The following KIAA1549L variants were observed in gnomAD, a reference collection of about 807,000 sequenced individuals.
The protein encoded by KIAA1549L is UPF0606 protein KIAA1549L.
In KIAA1549L, 88 loss-of-function variants were observed where a neutral mutation model predicts 160.7. The ratio of observed to expected loss-of-function variants is 0.55; its 90% CI spans 0.46 to 0.65. The LOEUF (loss-of-function observed/expected upper bound fraction) is 0.65. Among genes scored for constraint, KIAA1549L ranks in the 30% least tolerant of loss-of-function variants. KIAA1549L has a pLI of 0.00. For missense variants in KIAA1549L, 2,258 were observed against 2,437.5 expected (o/e 0.93, Z 1.55); for synonymous variants, 950 against 976.7 (o/e 0.97, Z 0.51).
At chr11:33,453,483 C>T (rs1055745487) in intron 1 of KIAA1549L, among the ~76,000 whole-genome samples, 18 of 152,148 alleles carry the variant, frequency 1.2e-4, no homozygotes, top group Non-Finnish European at 1.6e-4. Flanking sequence ...TTATCTAAGA[C>T]CAGAGGTGTG....
intron 1 of KIAA1549L, among the ~76,000 whole-genome samples, chr11:33,473,842 TA>T (rs748805595): frequency 1.3e-5 from 2 of 152,196 alleles, no homozygotes; most frequent in Non-Finnish European, 2.9e-5. Context: ...AAAAACAGAT[TA>T]AAAAAAATCT....
intron 1 of KIAA1549L, among the ~76,000 whole-genome samples, chr11:33,521,017 A>T (rs1853479688): frequency 1.3e-5 from 2 of 151,956 alleles, no homozygotes; most frequent in African/African-American, 4.8e-5. Context: ...AAAGTACAAA[A>T]TTCACTGGGC....
intron 1 of KIAA1549L, among the ~76,000 whole-genome samples, chr11:33,444,629 C>CT (rs753748589): frequency 1.3e-5 from 2 of 152,212 alleles, no homozygotes; most frequent in Non-Finnish European, 2.9e-5. Flanking sequence ...TAAAGATGAA[C>CT]TGTCCTTGCT....
chr11:33,572,211 A>G (rs1443246276), intron 9 of KIAA1549L, among the ~76,000 whole-genome samples: 1 of 151,720 alleles, frequency 6.6e-6, no homozygotes, highest in Non-Finnish European at 1.5e-5. Flanking sequence ...TAATTTTTGT[A>G]TTTTTAGTAG....
intron 1 of KIAA1549L, among the ~76,000 whole-genome samples, chr11:33,441,497 C>T (rs1245719782): frequency 6.7e-6 from 1 of 149,930 alleles, no homozygotes; most frequent in East Asian, 2.0e-4. Context: ...AATCGCCACA[C>T]GACTTCCACA....
At chr11:33,463,570 C>T (rs1003866284) in intron 1 of KIAA1549L, among the ~76,000 whole-genome samples, 2 of 152,138 alleles carry the variant, frequency 1.3e-5, no homozygotes, top group Non-Finnish European at 2.9e-5. Flanking sequence ...TGAGGCAAAT[C>T]CCAAGGACAC....
chr11:33,460,643 G>T (rs1468409228), intron 1 of KIAA1549L, among the ~76,000 whole-genome samples: 4 of 152,240 alleles, frequency 2.6e-5, no homozygotes. Flanking sequence ...GTTACATGTT[G>T]TTGGTCACAG....
intron 17 of KIAA1549L, among the ~76,000 whole-genome samples, chr11:33,649,031 A>C (rs1851803005): frequency 6.6e-6 from 1 of 152,186 alleles, no homozygotes; most frequent in African/African-American, 2.4e-5. Context: ...AGGAAACTGA[A>C]GCTTGGAGAA....
At chr11:33,390,543 G>T (rs750936091) in intron 1 of KIAA1549L, among the ~76,000 whole-genome samples, 2 of 152,156 alleles carry the variant, frequency 1.3e-5, no homozygotes, top group Non-Finnish European at 1.5e-5. Flanking sequence ...GCTGCAATCT[G>T]GCCAATGGAA....
intron 1 of KIAA1549L, among the ~76,000 whole-genome samples, chr11:33,458,816 C>T (rs533674068): frequency 2.0e-5 from 3 of 152,232 alleles, no homozygotes; most frequent in South Asian, 2.1e-4. Context: ...GTTGAGGGCT[C>T]GAGGTGACCC....
chr11:33,476,094 G>A (rs776137880), intron 1 of KIAA1549L, among the ~76,000 whole-genome samples: 7 of 152,306 alleles, frequency 4.6e-5, no homozygotes, highest in East Asian at 1.9e-4. Flanking sequence ...TGGGAGAGAC[G>A]GCAAGTTTGA....
intron 1 of KIAA1549L, among the ~76,000 whole-genome samples, chr11:33,521,648 G>T (rs1023868169): frequency 6.6e-6 from 1 of 152,196 alleles, no homozygotes; most frequent in Non-Finnish European, 1.5e-5. Context: ...GCAGACACAC[G>T]TGGCATCTCC....
chr11:33,579,329 G>A (rs1004862934), intron 10 of KIAA1549L, among the ~76,000 whole-genome samples: 9 of 151,528 alleles, frequency 5.9e-5, no homozygotes, highest in Admixed American at 2.0e-4. Context: ...AATATCCCAC[G>A]GGCATCCCTG....
At chr11:33,377,202 T>C (rs942655717) in intron 1 of KIAA1549L, among the ~76,000 whole-genome samples, 1 of 152,170 alleles carries the variant, frequency 6.6e-6, no homozygotes, top group African/African-American at 2.4e-5. Flanking sequence ...TTAGAACACG[T>C]TTCAGGGTGG....
At chr11:33,437,464 T>C (rs1851404110) in intron 1 of KIAA1549L, among the ~76,000 whole-genome samples, 1 of 152,230 alleles carries the variant, frequency 6.6e-6, no homozygotes, top group African/African-American at 2.4e-5. Flanking sequence ...AACTGGGCAT[T>C]GAAGCCAGAC....
intron 1 of KIAA1549L, among the ~76,000 whole-genome samples, chr11:33,435,395 T>C (rs1484884045): frequency 6.6e-6 from 1 of 152,162 alleles, no homozygotes; most frequent in Non-Finnish European, 1.5e-5. Flanking sequence ...AGTGGGGCTA[T>C]AATTGAGACT....
intron 15 of KIAA1549L, 89 bp from the exon 16 acceptor site, chr11:33,618,444 C>G: frequency 7.3e-6 from 9 of 1,237,918 alleles, no homozygotes; most frequent in Middle Eastern, 2.0e-4. Context: ...AATCCAAACC[C>G]TTCATTGGTT....
At chr11:33,465,734 G>A (rs775774060) in intron 1 of KIAA1549L, among the ~76,000 whole-genome samples, 52 of 152,146 alleles carry the variant, frequency 3.4e-4, no homozygotes, top group Non-Finnish European at 6.8e-4. Flanking sequence ...ACAAAAACAA[G>A]CAATGGAGAA....
At chr11:33,554,868 C>T (rs867229593) in intron 6 of KIAA1549L, among the ~76,000 whole-genome samples, 18 of 152,076 alleles carry the variant, frequency 1.2e-4, no homozygotes, top group African/African-American at 2.4e-5. Context: ...GTTCCATCAG[C>T]CTATAGGTCT....
Sources: gnomAD v4.1 joint callset for allele counts (sites outside exome capture counted in the v4.1 genomes callset) on GRCh38, gnomAD v4.1.1 for gene constraint, MANE v1.5 for transcripts, NCBI Gene and HGNC (gene_info 2026-07-23, HGNC 2026-07-21) for gene names.